WDFY3: variants seen among roughly 807,000 people sequenced by gnomAD.
The protein encoded by WDFY3 is WD repeat and FYVE domain containing 3.
WDFY3 carries 66 observed loss-of-function variants against 409.6 expected under a neutral mutation model. The observed-to-expected ratio is 0.16, with a 90% CI of 0.13 to 0.20. The LOEUF is 0.20. Among genes scored for constraint, WDFY3 ranks in the 10% least tolerant of loss-of-function variants. The pLI is 1.00. For missense variants in WDFY3, 3,031 were observed against 4,298.1 expected, an observed-to-expected ratio of 0.71 and a Z score of 8.24; for synonymous variants, 1,521 against 1,537.1, an observed-to-expected ratio of 0.99 and a Z score of 0.25.
chr4:84,755,163 C>A, intron 34 of WDFY3, 103 bp downstream of exon 34: 3 of 1,475,882 alleles, frequency 2.0e-6, no homozygotes, highest in East Asian at 2.3e-5. Flanking sequence ...AGAGATCATG[C>A]AGTAAATAAA....
intron 44 of WDFY3, among the ~76,000 whole-genome samples, chr4:84,727,821 T>C (rs973089665): frequency 3.9e-5 from 6 of 152,186 alleles, no homozygotes; most frequent in African/African-American, 1.2e-4. Flanking sequence ...TACTTACAAA[T>C]ACTTCACATG....
At chr4:84,912,018 G>A (rs2150750925) in intron 2 of WDFY3, among the ~76,000 whole-genome samples, 1 of 152,298 alleles carries the variant, frequency 6.6e-6, no homozygotes. Flanking sequence ...AAAACACTGT[G>A]CGATGCTAAT....
chr4:84,775,694 A>T (rs1007347699), intron 27 of WDFY3, among the ~76,000 whole-genome samples: 3 of 151,702 alleles, frequency 2.0e-5, no homozygotes, highest in Non-Finnish European at 4.4e-5. Context: ...GTGGCAGGAA[A>T]AATCATTGAA....
In WDFY3 at chr4:84,737,277, T is replaced by C. The variant is rs747934921; in HGVS notation, c.6664A>G (p.Thr2222Ala). Residue 2222 changes from threonine (T) to alanine (A), a missense_variant, in exon 41 of 68, where the codon ACT (threonine) becomes GCT (alanine). By Grantham distance (58) the Thr-to-Ala change is moderately conservative (BLOSUM62 0). Transcript: ENST00000295888. The stretch of plus-strand genomic sequence containing the variant: ...TGGCCCCTTTCATTCACAGGTAGAG[T>C]TACTTTGAAAAGTTCCTCTAAGACT... ...KQVLEELFKV[T>A]LPVNERGHVD... 49 of 1,613,894 alleles carry C rather than the reference T, an allele frequency of 3.0e-5. No individual in the cohort carries two copies. Among genetic ancestry groups the C allele is most frequent in the Non-Finnish European group, 4.1e-5 (48 of 1,180,010 alleles).
intron 2 of WDFY3, among the ~76,000 whole-genome samples, chr4:84,923,749 A>G (rs1006417012): frequency 3.3e-5 from 5 of 152,198 alleles, no homozygotes; most frequent in Non-Finnish European, 5.9e-5. Context: ...CTGTAATCCC[A>G]GCACTTTGGG....
rs200760845 is a variant in WDFY3, at chr4:84,801,900, T to C, written c.2608-36A>G. 30 of 1,588,146 alleles carry C rather than the reference T, an allele frequency of 1.9e-5. No homozygotes were observed. In the African/African-American group the frequency reaches 3.8e-4, roughly 20 times the overall value. On this transcript the variant is annotated intron_variant, in intron 16 of 67. Coordinates refer to ENST00000295888, the MANE Select transcript of WDFY3 (RefSeq NM_014991.6). ...CAAAGAAATCCACACAGTCAGGTCA[T>C]TCTTAGTGAGAAAGATGACAATTCT...
intron 3 of WDFY3, among the ~76,000 whole-genome samples, chr4:84,864,596 C>A (rs11723818): frequency 6.6e-6 from 1 of 152,026 alleles, no homozygotes; most frequent in Non-Finnish European, 1.5e-5. Context: ...TTTATTTCTA[C>A]GAATTGCAGT....
intron 2 of WDFY3, 31 bp downstream of exon 2, chr4:84,932,239 T>C (rs1196176578): frequency 6.6e-6 from 1 of 152,118 alleles, no homozygotes; most frequent in African/African-American, 2.4e-5. Context: ...CCTGGCTCCT[T>C]TTTCAACAAA....
Position 84,815,182 on chromosome 4 carries a change from G to A in WDFY3, c.1887+2210C>T, listed in dbSNP as rs554206508. Among the ~76,000 whole-genome samples the A allele has an allele frequency of 1.2e-4, 19 of 152,174 alleles. No homozygotes were observed. In the South Asian group the frequency reaches 3.9e-3, roughly 32 times the overall value. On this transcript the variant is annotated intron_variant, in intron 13 of 67. Transcript: ENST00000295888. Reference sequence around the variant, plus strand: ...CGGGTCACAAGGGCCTTGGAAGCAAGGTTAAACACACTGGTTTGTCTGTTA... The same window carrying A: ...CGGGTCACAAGGGCCTTGGAAGCAAAGTTAAACACACTGGTTTGTCTGTTA...
intron 16 of WDFY3, 62 bp from the exon 17 acceptor site, chr4:84,801,926 T>G: frequency 6.5e-7 from 1 of 1,533,794 alleles, no homozygotes; most frequent in Non-Finnish European, 8.9e-7. Context: ...TGACAATTCT[T>G]TTCACATGAA....
At chr4:84,673,084 T>C in intron 67 of WDFY3, 93 bp from the exon 68 acceptor site, 1 of 1,548,322 alleles carries the variant, frequency 6.5e-7, no homozygotes, top group Non-Finnish European at 8.8e-7. Flanking sequence ...AAGCTTGCAG[T>C]AAAATGCCAA....
At chr4:84,776,955 A>G (rs2149459152) in intron 27 of WDFY3, among the ~76,000 whole-genome samples, 1 of 152,260 alleles carries the variant, frequency 6.6e-6, no homozygotes, top group Non-Finnish European at 1.5e-5. Context: ...GAATAGGAGA[A>G]GAATTGATTA....
At chr4:84,931,511 A>C (rs1770762113) in intron 2 of WDFY3, among the ~76,000 whole-genome samples, 1 of 152,188 alleles carries the variant, frequency 6.6e-6, no homozygotes, top group Admixed American at 6.5e-5. Flanking sequence ...AAGAAGAATG[A>C]GATGAACATG....
At chr4:84,881,039 T>A (rs2150398706) in intron 3 of WDFY3, among the ~76,000 whole-genome samples, 1 of 152,134 alleles carries the variant, frequency 6.6e-6, no homozygotes, top group African/African-American at 2.4e-5. Flanking sequence ...TAAGTCTTAC[T>A]GAGCTTCTTC....
At chr4:84,785,899 T>A in intron 24 of WDFY3, 80 bp downstream of exon 24, 2 of 1,495,500 alleles carry the variant, frequency 1.3e-6, no homozygotes, top group Admixed American at 2.1e-5. Flanking sequence ...CACTCATAAT[T>A]GAGTAGTATC....
intron 3 of WDFY3, among the ~76,000 whole-genome samples, chr4:84,877,874 T>C (rs1762991211): frequency 6.6e-6 from 1 of 152,186 alleles, no homozygotes; most frequent in South Asian, 2.1e-4. Context: ...GTTTAGAAGA[T>C]AAATGATTTA....
At chr4:84,864,377 A>G (rs1761088976) in intron 3 of WDFY3, among the ~76,000 whole-genome samples, 1 of 151,624 alleles carries the variant, frequency 6.6e-6, no homozygotes. Flanking sequence ...AAAAAAAAAA[A>G]AAAAAAAAAA....
In WDFY3 at chr4:84,682,525, A is replaced by T. The variant is rs1208872366; in HGVS notation, c.9727-55T>A. 5.2e-6 allele frequency: 7 copies of T among 1,357,718 alleles called. No homozygotes were observed. The Admixed American group carries it at 1.2e-4, about 24-fold the overall frequency. The allele number at this position is 1,357,718 out of a possible 1,614,324, so 84.1% of individuals were successfully genotyped here. A position where few individuals can be genotyped will look rare whatever the true frequency, so the allele number is the denominator to read the frequency against. On this transcript the variant is annotated intron_variant, in intron 63 of 67. Coordinates refer to ENST00000295888, the MANE Select transcript of WDFY3 (RefSeq NM_014991.6). ...AGTTAAGAAACAGATTAAGGAACCA[A>T]TTTACATTACTCAATGAAGAGAGAC...
intron 39 of WDFY3, chr4:84,739,409 A>G: frequency 3.1e-6 from 1 of 320,026 alleles, no homozygotes; most frequent in African/African-American, 2.1e-5. Flanking sequence ...CAAAATGTTC[A>G]TTCAACTAAG....
Sources: allele counts gnomAD v4.1 joint callset (sites outside exome capture counted in the v4.1 genomes callset), GRCh38; gene constraint gnomAD v4.1.1; transcripts MANE v1.5; gene names NCBI Gene and HGNC (gene_info 2026-07-23, HGNC 2026-07-21).